MARCHF3: variants seen among roughly 807,000 people sequenced by gnomAD.
MARCHF3 encodes E3 ubiquitin-protein ligase MARCHF3.
In MARCHF3, 13 loss-of-function variants were observed where a neutral mutation model predicts 24.2. That is an observed-to-expected ratio of 0.54 (90% confidence interval 0.35 to 0.85). The LOEUF (loss-of-function observed/expected upper bound fraction) is 0.85. Among genes scored for constraint, MARCHF3 ranks in the 40% least tolerant of loss-of-function variants. MARCHF3 has a pLI of 0.01. For synonymous variants in MARCHF3, 144 were observed against 137.3 expected (o/e 1.05, Z -0.34); for missense variants, 276 against 325.0 (o/e 0.85, Z 1.16).
intron 1 of MARCHF3, among the ~76,000 whole-genome samples, chr5:126,947,961 A>C (rs1750086949): frequency 6.6e-6 from 1 of 152,162 alleles, no homozygotes; most frequent in Admixed American, 6.5e-5. Context: ...ATTCTCATTA[A>C]TGATCTGCAG....
intron 3 of MARCHF3, among the ~76,000 whole-genome samples, chr5:126,900,364 G>C (rs953428335): frequency 2.0e-5 from 3 of 152,052 alleles, no homozygotes; most frequent in African/African-American, 7.3e-5. Flanking sequence ...AGGAAGTGGG[G>C]CCTTTGGGAG....
chr5:126,955,535 T>TCAGCCAGCATTTCTCCTA (rs1384462766), intron 1 of MARCHF3, among the ~76,000 whole-genome samples: 2 of 152,204 alleles, frequency 1.3e-5, no homozygotes, highest in Non-Finnish European at 2.9e-5. Context: ...AGTTTTTGTT[T>TCAGCCAGCATTTCTCCTA]CAGCCAGCAT....
intron 1 of MARCHF3, among the ~76,000 whole-genome samples, chr5:126,948,771 A>G (rs1164512702): frequency 6.6e-6 from 1 of 152,226 alleles, no homozygotes; most frequent in East Asian, 1.9e-4. Context: ...CAGGGAACTA[A>G]TAACTGTGGA....
chr5:126,897,194 C>A (rs1302808723), intron 3 of MARCHF3, among the ~76,000 whole-genome samples: 1 of 151,786 alleles, frequency 6.6e-6, no homozygotes, highest in African/African-American at 2.4e-5. Flanking sequence ...CATGTGCCAC[C>A]ACGCCCGGCT....
chr5:126,914,717 T>C (rs1023629176), intron 3 of MARCHF3: 45 of 594,194 alleles, frequency 7.6e-5, no homozygotes, highest in Non-Finnish European at 1.1e-4. Flanking sequence ...CCAAGTGAGC[T>C]AGCAAGCTCT....
chr5:126,898,257 A>C (rs1024856522), intron 3 of MARCHF3, among the ~76,000 whole-genome samples: 9 of 152,124 alleles, frequency 5.9e-5, no homozygotes, highest in African/African-American at 2.2e-4. Context: ...TGAGACTGGA[A>C]GACCCTTTAG....
At chr5:127,012,480 G>T (rs1038101912) in intron 1 of MARCHF3, among the ~76,000 whole-genome samples, 3 of 152,154 alleles carry the variant, frequency 2.0e-5, no homozygotes, top group African/African-American at 7.2e-5. Context: ...TGTTGAAAGT[G>T]ATAGGAAACA....
Position 126,914,962 on chromosome 5 carries a change from C to G in MARCHF3, c.361G>C (p.Ala121Pro). Residue 121 changes from alanine (A) to proline (P), a missense_variant, in exon 3 of 5, where the codon GCA becomes CCA. Physicochemically the swap from Ala to Pro is conservative, Grantham distance 27. Coordinates refer to ENST00000308660, the MANE Select transcript of MARCHF3 (RefSeq NM_178450.5). ...AACGGCCTGGGTTTGCGCTCGACTGCAAACCTGAAGTGGCAGAGTTCACAG... is the reference window on the plus strand; with the variant it reads ...AACGGCCTGGGTTTGCGCTCGACTGGAAACCTGAAGTGGCAGAGTTCACAG... Reference protein sequence around the residue: ...SYCELCHFRFAVERKPRPLVE... With the variant: ...SYCELCHFRFPVERKPRPLVE... 6.2e-7 allele frequency: 1 copy of G among 1,614,232 alleles called. No individual in the cohort carries two copies. The highest frequency in any genetic ancestry group is 8.5e-7 in the Non-Finnish European group (1 of 1,180,056).
intron 1 of MARCHF3, among the ~76,000 whole-genome samples, chr5:126,996,797 C>T (rs1472048594): frequency 6.6e-6 from 1 of 151,024 alleles, no homozygotes; most frequent in East Asian, 1.9e-4. Flanking sequence ...GGTACAACAA[C>T]GCAAGTAAGA....
intron 1 of MARCHF3, among the ~76,000 whole-genome samples, chr5:126,938,579 C>T (rs1426687139): frequency 6.6e-6 from 1 of 151,382 alleles, no homozygotes; most frequent in East Asian, 1.9e-4. Flanking sequence ...TACAAAAAAA[C>T]CCTTAGAGCC....
At chr5:126,882,779 T>G (rs1011997701) in intron 3 of MARCHF3, among the ~76,000 whole-genome samples, 1 of 152,202 alleles carries the variant, frequency 6.6e-6, no homozygotes, top group East Asian at 1.9e-4. Context: ...CCCTACTATA[T>G]GCCAAGCACT....
At chr5:126,875,520 A>G (rs769536784) in intron 4 of MARCHF3, among the ~76,000 whole-genome samples, 7 of 152,236 alleles carry the variant, frequency 4.6e-5, no homozygotes, top group Non-Finnish European at 4.4e-5. Context: ...CTTGTTTACA[A>G]TGGGTTTCTG....
rs184715888 is a variant in MARCHF3 at position 126,948,105 on chromosome 5, G to C, written c.-56-29878C>G. The stretch of plus-strand genomic sequence containing the variant: ...AGGAAATGCCTACTTCCATTTCCCA[G>C]ACATTACTGGGAGCCTCTACCATGA... On this transcript the variant is annotated intron_variant, in intron 1 of 4. Transcript: ENST00000308660. 3.9e-5 allele frequency among the ~76,000 whole-genome samples: 6 copies of C among 152,180 alleles called. No homozygotes were observed. In the East Asian group the frequency reaches 9.7e-4, roughly 25 times the overall value.
intron 1 of MARCHF3, among the ~76,000 whole-genome samples, chr5:127,016,917 T>C (rs1158043894): frequency 1.3e-5 from 2 of 152,130 alleles, no homozygotes; most frequent in Non-Finnish European, 2.9e-5. Flanking sequence ...ATATACACCA[T>C]GGAATACTAT....
chr5:126,884,715 C>A (rs1296891914), intron 3 of MARCHF3, among the ~76,000 whole-genome samples: 1 of 152,196 alleles, frequency 6.6e-6, no homozygotes, highest in Non-Finnish European at 1.5e-5. Context: ...CAACATACAC[C>A]TGGAATCTGG....
intron 3 of MARCHF3, among the ~76,000 whole-genome samples, chr5:126,890,622 A>AT (rs1561779739): frequency 1.3e-5 from 2 of 151,736 alleles, no homozygotes; most frequent in Non-Finnish European, 2.9e-5. Context: ...TGAACTCATC[A>AT]TTTTTTATGG....
chr5:126,920,635 A>C (rs1466839314), intron 1 of MARCHF3, among the ~76,000 whole-genome samples: 1 of 152,134 alleles, frequency 6.6e-6, no homozygotes, highest in Non-Finnish European at 1.5e-5. Context: ...GGGGGTGCGC[A>C]GAGTAAATAA....
At chr5:127,025,309 A>T (rs60786501) in intron 1 of MARCHF3, among the ~76,000 whole-genome samples, 3 of 35,346 alleles carry the variant, frequency 8.5e-5, no homozygotes, top group African/African-American at 1.1e-4. Flanking sequence ...AAAAGTTATT[A>T]AAAAAAAAAA....
intron 1 of MARCHF3, among the ~76,000 whole-genome samples, chr5:127,000,627 A>AC (rs1485505553): frequency 1.3e-5 from 2 of 152,206 alleles, no homozygotes; most frequent in African/African-American, 4.8e-5. Flanking sequence ...AATGAAAGGA[A>AC]CTGCAACTGC....
Sources: gnomAD v4.1 joint callset for allele counts (sites outside exome capture counted in the v4.1 genomes callset) on GRCh38, gnomAD v4.1.1 for gene constraint, MANE v1.5 for transcripts, NCBI Gene and HGNC (gene_info 2026-07-23, HGNC 2026-07-21) for gene names.